The following BICD1 variants were observed in gnomAD, a reference collection of about 807,000 sequenced individuals.
BICD1 encodes BICD cargo adaptor 1, also known as protein bicaudal D homolog 1.
BICD1 carries 35 observed loss-of-function variants against 92.5 expected under a neutral mutation model. That is an observed-to-expected ratio of 0.38 (90% CI 0.29 to 0.50). The LOEUF is 0.50. Among genes scored for constraint, BICD1 ranks in the 20% least tolerant of loss-of-function variants. BICD1 has a pLI of 0.93. For missense variants in BICD1, 950 were observed against 1,189.8 expected (o/e 0.80, Z 2.97); for synonymous variants, 429 against 465.1 (o/e 0.92, Z 1.00).
At chr12:32,326,080 C>CA (rs372956491) in intron 4 of BICD1, among the ~76,000 whole-genome samples, 36,905 of 66,156 alleles carry the variant, frequency 0.56, 9,801 homozygotes, top group Non-Finnish European at 0.6. Flanking sequence ...GACTCCATCT[C>CA]AAAAAAAAAA....
Position 32,106,873 on chromosome 12 carries a change from C to A in BICD1, c.-459C>A. 1 of 162,782 alleles carries A rather than the reference C, an allele frequency of 6.1e-6. No individual in the cohort carries two copies. The allele number at this position is 162,782 out of a possible 1,614,324, so 10.1% of individuals were successfully genotyped here. A position where few individuals can be genotyped will look rare whatever the true frequency, so the allele number is the denominator to read the frequency against. ...TCATTCCGCACCGGCTGCTGCAGGG[C>A]CAGAGGGAGCAGGTGGAGCGAGAGA... On this transcript the variant is annotated 5_prime_UTR_variant, in exon 1 of 10. Transcript: ENST00000652176.
At chr12:32,146,648 C>G (rs895813999) in intron 1 of BICD1, among the ~76,000 whole-genome samples, 1 of 152,154 alleles carries the variant, frequency 6.6e-6, no homozygotes, top group African/African-American at 2.4e-5. Context: ...TAGGGAGTGC[C>G]AGGCCTCAGA....
chr12:32,281,772 A>G (rs1334982326), intron 2 of BICD1, among the ~76,000 whole-genome samples: 1 of 152,068 alleles, frequency 6.6e-6, no homozygotes, highest in Non-Finnish European at 1.5e-5. Flanking sequence ...TGCCCAGCTA[A>G]GCTCATCCCA....
chr12:32,247,335 A>G (rs1674559530), intron 2 of BICD1, among the ~76,000 whole-genome samples: 1 of 152,064 alleles, frequency 6.6e-6, no homozygotes, highest in South Asian at 2.1e-4. Context: ...TGGGCTAGAG[A>G]AAGAAATTTG....
chr12:32,334,497 G>C lies in BICD1; in HGVS notation c.2101-19G>C, dbSNP rs2136275271. On this transcript the variant is annotated intron_variant, in intron 5 of 9. Transcript: ENST00000652176. ...TTTCCTGATATGAAAATTGTAAGCA[G>C]TGTGATTTTCTGCTTTAGACAGCTG... 2 of 1,592,630 alleles carry C rather than the reference G, an allele frequency of 1.3e-6. No homozygotes were observed. The highest frequency in any genetic ancestry group is 1.7e-4 in the Middle Eastern group (1 of 5,966).
Position 32,291,538 on chromosome 12 carries a change from A to AT in BICD1, c.427-2456_427-2455insT. Among the ~76,000 whole-genome samples, 3 of 151,454 alleles carry AT rather than the reference A, an allele frequency of 2.0e-5. 1 individual carries two copies. The highest frequency in any genetic ancestry group is 1.9e-4 in the East Asian group (1 of 5,176). On this transcript the variant is annotated intron_variant, in intron 2 of 9. Transcript: ENST00000652176. ...AAGACCCTGCTTCTACCAAAAAAAA[A>AT]AATATATATTAAATTTGTAGAAGTC...
chr12:32,274,727 G>A (rs576527302), intron 2 of BICD1, among the ~76,000 whole-genome samples: 4 of 152,176 alleles, frequency 2.6e-5, no homozygotes, highest in South Asian at 4.2e-4. Flanking sequence ...AACAAATCAC[G>A]TTAATAAGGC....
At chr12:32,192,055 G>C (rs1236496067) in intron 1 of BICD1, among the ~76,000 whole-genome samples, 2 of 152,146 alleles carry the variant, frequency 1.3e-5, no homozygotes, top group African/African-American at 4.8e-5. Context: ...GCCCAGATAG[G>C]CCTATTGTGT....
At chr12:32,246,015 A>G in intron 2 of BICD1, among the ~76,000 whole-genome samples, 1 of 119,072 alleles carries the variant, frequency 8.4e-6, no homozygotes, top group Admixed American at 9.8e-5. Context: ...GGGTGATAGA[A>G]TGATACTCTG....
intron 9 of BICD1, among the ~76,000 whole-genome samples, chr12:32,375,875 A>G (rs1312954412): frequency 6.6e-6 from 1 of 152,232 alleles, no homozygotes; most frequent in Non-Finnish European, 1.5e-5. Flanking sequence ...CATTAAATTT[A>G]AAGCTAATTT....
chr12:32,291,153 A>G lies in BICD1; in HGVS notation c.427-2841A>G, dbSNP rs145781706. 2.2e-4 allele frequency among the ~76,000 whole-genome samples: 34 copies of G among 152,344 alleles called. 1 individual carries two copies. In the East Asian group the frequency reaches 3.5e-3, roughly 16 times the overall value. On this transcript the variant is annotated intron_variant, in intron 2 of 9. Coordinates refer to ENST00000652176, the MANE Select transcript of BICD1 (RefSeq NM_001714.4). ...TAGGAAGAGCTGTACTCAGGAGTCA[A>G]GTCAGAAGAAAAAACATCACCATGT...
intron 8 of BICD1, among the ~76,000 whole-genome samples, chr12:32,357,074 C>T (rs556101114): frequency 4.5e-4 from 67 of 148,746 alleles, no homozygotes; most frequent in Non-Finnish European, 6.9e-4. Flanking sequence ...TGTGATGGCG[C>T]GATCTCGGCT....
chr12:32,316,977 G>A (rs1271082163), intron 4 of BICD1, among the ~76,000 whole-genome samples: 2 of 152,040 alleles, frequency 1.3e-5, no homozygotes, highest in African/African-American at 4.8e-5. Context: ...TGTCCTTGCG[G>A]TAGTTTGCTG....
chr12:32,107,790 G>T, intron 1 of BICD1: 1 of 701,934 alleles, frequency 1.4e-6, no homozygotes, highest in Non-Finnish European at 2.6e-6. Context: ...GGGGGAGGGA[G>T]ATTAGTAAGA....
intron 2 of BICD1, among the ~76,000 whole-genome samples, chr12:32,240,320 A>G (rs1946201012): frequency 6.6e-6 from 1 of 152,008 alleles, no homozygotes; most frequent in Admixed American, 6.6e-5. Context: ...AATGCAGTTC[A>G]CTGGGGGTAA....
At chr12:32,211,425 A>T (rs1281357146) in intron 1 of BICD1, among the ~76,000 whole-genome samples, 1 of 152,116 alleles carries the variant, frequency 6.6e-6, no homozygotes, top group East Asian at 1.9e-4. Flanking sequence ...CTTTTTTGAA[A>T]ATCTATTCTG....
intron 1 of BICD1, among the ~76,000 whole-genome samples, chr12:32,200,212 C>T (rs1371784393): frequency 6.6e-6 from 1 of 152,178 alleles, no homozygotes; most frequent in African/African-American, 2.4e-5. Flanking sequence ...CTTCCTTGAA[C>T]ACCTCCAGAA....
intron 1 of BICD1, among the ~76,000 whole-genome samples, chr12:32,151,904 A>G (rs1943298878): frequency 6.6e-6 from 1 of 152,052 alleles, no homozygotes; most frequent in African/African-American, 2.4e-5. Flanking sequence ...TCCTGAGACT[A>G]GATGTCTTCA....
Position 32,338,997 on chromosome 12 carries a change from G to A in BICD1, c.2764+18G>A, listed in dbSNP as rs1938249451. The stretch of plus-strand genomic sequence containing the variant: ...TCCACCAGGTAAACATTTTTTCCTT[G>A]GGTGCATGTGATGCAAATGATTAGT... On this transcript the variant is annotated intron_variant, in intron 8 of 9. Transcript: ENST00000652176. The A allele has an allele frequency of 6.3e-7, 1 of 1,577,176 alleles. No homozygotes were observed. The highest frequency in any genetic ancestry group is 8.6e-7 in the Non-Finnish European group (1 of 1,167,490).
Sources: gnomAD v4.1 joint callset for allele counts (sites outside exome capture counted in the v4.1 genomes callset) on GRCh38, gnomAD v4.1.1 for gene constraint, MANE v1.5 for transcripts, NCBI Gene and HGNC (gene_info 2026-07-23, HGNC 2026-07-21) for gene names.